MTRR: variants seen among roughly 807,000 people sequenced by gnomAD.
MTRR encodes the protein methionine synthase reductase.
In MTRR, 63 loss-of-function variants were observed where a neutral mutation model predicts 79.2. The observed-to-expected ratio is 0.80, with a 90% confidence interval of 0.65 to 0.98. The LOEUF (loss-of-function observed/expected upper bound fraction) is 0.98, where lower values mean the gene tolerates loss of function less well. Ranked by LOEUF, MTRR falls within the 50% of genes least tolerant of loss-of-function variation. The pLI, the probability that MTRR is intolerant of heterozygous loss-of-function variation, is 0.00. For synonymous variants in MTRR, 355 were observed against 313.3 expected, an observed-to-expected ratio of 1.13 and a Z score of -1.41; for missense variants, 895 against 839.6, an observed-to-expected ratio of 1.07 and a Z score of -0.82.
chr5:7,877,830 G>A, intron 4 of MTRR, 114 bp from the exon 5 acceptor site: 1 of 1,384,420 alleles, frequency 7.2e-7, no homozygotes, highest in South Asian at 1.2e-5. Flanking sequence ...GGTCTTCATA[G>A]TGTTTCTAAC....
Position 7,880,994 on chromosome 5 carries a change from C to G in MTRR, c.781-2161C>G, listed in dbSNP as rs149840341. On this transcript the variant is annotated intron_variant, in intron 5 of 14. Coordinates refer to ENST00000440940, the MANE Select transcript of MTRR (RefSeq NM_002454.3). ...TTGTCAAGTACAGTTTCTATAGTGT[C>G]TCACAGTCCCTCCTCCTAGGGACCT... 4.4e-3 allele frequency among the ~76,000 whole-genome samples: 670 copies of G among 152,282 alleles called. 5 individuals carry two copies. Among genetic ancestry groups the G allele is most frequent in the African/African-American group, 0.015 (643 of 41,552 alleles).
Position 7,864,011 on chromosome 5 carries a change from G to A in MTRR, n.498+1954G>A, listed in dbSNP as rs1164700608. 3.9e-5 allele frequency among the ~76,000 whole-genome samples: 6 copies of A among 151,946 alleles called. No homozygotes were observed. In the East Asian group the frequency reaches 9.7e-4, roughly 24 times the overall value. On this transcript the variant is annotated intron_variant and non_coding_transcript_variant, in intron 2 of 3. Coordinates refer to the MTRR transcript ENST00000502509. ...ACTACAGGCGTGTGCCATCATGCCCGGCTAATTTTTTGTATTTTTAGTAGA... is the reference window on the plus strand; with the variant it reads ...ACTACAGGCGTGTGCCATCATGCCCAGCTAATTTTTTGTATTTTTAGTAGA...
rs368090220 is a variant in MTRR at position 7,892,677 on chromosome 5, G to T, written c.1371-50G>T. ...ATAAAAGGATTGGTTTGACCCATAT[G>T]TGTAGTAGTACTGATATCGAGTTCA... On this transcript the variant is annotated intron_variant, in intron 10 of 14. Transcript: ENST00000440940. The T allele has an allele frequency of 3.2e-6, 5 of 1,555,862 alleles. No homozygotes were observed. In the African/African-American group the frequency reaches 6.8e-5, roughly 21 times the overall value.
intron 5 of MTRR, among the ~76,000 whole-genome samples, chr5:7,882,319 G>A (rs1201055435): frequency 6.6e-6 from 1 of 152,206 alleles, no homozygotes; most frequent in Non-Finnish European, 1.5e-5. Context: ...GGGGTAAGGT[G>A]TGACCTAAGA....
chr5:7,892,693 A>G (rs1737804460), intron 10 of MTRR, 34 bp from the exon 11 acceptor site: 1 of 1,608,616 alleles, frequency 6.2e-7, no homozygotes, highest in Non-Finnish European at 8.5e-7. Context: ...TAGTACTGAT[A>G]TCGAGTTCAA....
At chr5:7,861,241 G>T in intron 1 of MTRR, 1 of 1,609,220 alleles carries the variant, frequency 6.2e-7, no homozygotes, top group Non-Finnish European at 8.5e-7. Context: ...AACCTTTTTG[G>T]ACCATCAATA....
chr5:7,855,119 A>C (rs1332767729), intron 1 of MTRR, among the ~76,000 whole-genome samples: 1 of 152,226 alleles, frequency 6.6e-6, no homozygotes, highest in Non-Finnish European at 1.5e-5. Flanking sequence ...TACGTGAGAA[A>C]GAGTAGCAGT....
At chr5:7,885,160 C>T (rs142269704) in intron 6 of MTRR, 1 of 159,356 alleles carries the variant, frequency 6.3e-6, no homozygotes, top group African/African-American at 2.4e-5. Flanking sequence ...ACTTTTTCAG[C>T]CCATGTTTGC....
chr5:7,894,275 C>G (rs1400342863), intron 11 of MTRR, among the ~76,000 whole-genome samples: 1 of 152,204 alleles, frequency 6.6e-6, no homozygotes, highest in African/African-American at 2.4e-5. Context: ...TTTGCAAGAC[C>G]TATCACCCAC....
chr5:7,880,245 G>T (rs568574383), intron 5 of MTRR, among the ~76,000 whole-genome samples: 1 of 152,186 alleles, frequency 6.6e-6, no homozygotes, highest in Non-Finnish European at 1.5e-5. Context: ...TGCTTTGCAG[G>T]TGTTCCACAT....
chr5:7,890,520 C>T (rs1176813362), intron 9 of MTRR: 3 of 559,904 alleles, frequency 5.4e-6, no homozygotes, highest in Non-Finnish European at 6.8e-6. Context: ...ATGTTTGTAA[C>T]AATACCACAT....
intron 1 of MTRR, among the ~76,000 whole-genome samples, chr5:7,855,483 C>T (rs1235695238): frequency 6.7e-6 from 1 of 149,776 alleles, no homozygotes; most frequent in Non-Finnish European, 1.5e-5. Context: ...TGGTAATTTT[C>T]ATGCTGAATA....
upstream of MTRR, chr5:7,867,281 T>C: frequency 6.2e-7 from 1 of 1,613,790 alleles, no homozygotes; most frequent in African/African-American, 1.3e-5. Context: ...ATCCACTTTT[T>C]CAGTACATGC....
intron 2 of MTRR, chr5:7,862,877 C>G (rs753055577): frequency 6.2e-7 from 1 of 1,613,974 alleles, no homozygotes; most frequent in Non-Finnish European, 8.5e-7. Context: ...AATCTTGCTC[C>G]TAAAAGGTTA....
intron 8 of MTRR, 141 bp from the exon 9 acceptor site, chr5:7,888,954 C>G (rs1737080104): frequency 1.2e-6 from 1 of 844,806 alleles, no homozygotes; most frequent in Non-Finnish European, 1.9e-6. Context: ...ATTAAATTCC[C>G]TCCTCCTGAC....
rs144729918 is a variant in MTRR at position 7,885,703 on chromosome 5, T to C, written c.906T>C (p.Asn302=). Residue 302 remains asparagine, a splice_region_variant and synonymous_variant, in exon 7 of 15, where the codon AAT becomes AAC. Coordinates refer to ENST00000440940, the MANE Select transcript of MTRR (RefSeq NM_002454.3). ...TTLLVELDIS[N]TDFSYQPGDA... is the part of the protein sequence containing the mutation. ...TTTTCATTTTGGCTCTTCTCTAGAATACAGACTTTTCCTATCAGCCTGGAG... is the reference window on the plus strand; with the variant it reads ...TTTTCATTTTGGCTCTTCTCTAGAACACAGACTTTTCCTATCAGCCTGGAG... 72 of 1,609,682 alleles carry C rather than the reference T, an allele frequency of 4.5e-5. No individual in the cohort carries two copies. The African/African-American group carries it at 7.3e-4, about 16-fold the overall frequency.
At position 7,886,715 on chromosome 5, in the gene MTRR, T is replaced by G; in HGVS notation, c.1146+12T>G. ...CAATTCCTAAAAAGGTATTTTTTTCTGTCTTCTTCAGGTAACTATTTTAAA... is the reference window on the plus strand; with the variant it reads ...CAATTCCTAAAAAGGTATTTTTTTCGGTCTTCTTCAGGTAACTATTTTAAA... On this transcript the variant is annotated intron_variant, in intron 8 of 14. Coordinates refer to ENST00000440940, the MANE Select transcript of MTRR (RefSeq NM_002454.3). 1 of 1,589,320 alleles carries G rather than the reference T, an allele frequency of 6.3e-7. No individual in the cohort carries two copies. Among genetic ancestry groups the G allele is most frequent in the Non-Finnish European group, 8.6e-7 (1 of 1,157,386 alleles).
intron 1 of MTRR, among the ~76,000 whole-genome samples, chr5:7,860,279 A>T (rs1746442100): frequency 6.6e-6 from 1 of 152,226 alleles, no homozygotes; most frequent in Non-Finnish European, 1.5e-5. Context: ...CAGCTTAGAG[A>T]ATTAGGGCAG....
chr5:7,871,016 C>A, intron 2 of MTRR, 93 bp downstream of exon 2: 2 of 1,390,104 alleles, frequency 1.4e-6, no homozygotes, highest in Non-Finnish European at 2.0e-6. Flanking sequence ...ACTAATACCA[C>A]CACATAGTCT....
Sources: allele counts gnomAD v4.1 joint callset (sites outside exome capture counted in the v4.1 genomes callset), GRCh38; gene constraint gnomAD v4.1.1; transcripts MANE v1.5; gene names NCBI Gene and HGNC (gene_info 2026-07-23, HGNC 2026-07-21).